Variants in CTNNA3 observed in about 807,000 individuals in gnomAD.
CTNNA3 encodes the protein catenin alpha 3.
A neutral mutation model predicts 95.7 loss-of-function variants in CTNNA3; 76 were observed. The observed-to-expected ratio is 0.79, with a 90% CI of 0.66 to 0.96. The LOEUF is 0.96. CTNNA3 is among the 40% of genes least tolerant of loss of function. CTNNA3 has a pLI of 0.00. For synonymous variants in CTNNA3, 431 were observed against 374.4 expected, an observed-to-expected ratio of 1.15 and a Z score of -1.74; for missense variants, 1,191 against 1,089.8, an observed-to-expected ratio of 1.09 and a Z score of -1.31.
At chr10:67,480,917 T>C (rs1175706063) in intron 5 of CTNNA3, among the ~76,000 whole-genome samples, 4 of 152,156 alleles carry the variant, frequency 2.6e-5, no homozygotes, top group Admixed American at 6.5e-5. Context: ...ACCATAATCA[T>C]GTAAGCTTTA....
At chr10:67,454,904 A>C (rs1847115945) in intron 5 of CTNNA3, among the ~76,000 whole-genome samples, 1 of 152,216 alleles carries the variant, frequency 6.6e-6, no homozygotes, top group Non-Finnish European at 1.5e-5. Context: ...AGAATTACAA[A>C]ATAAAGATAT....
At chr10:66,161,409 T>A (rs1334929921) in intron 13 of CTNNA3, among the ~76,000 whole-genome samples, 1 of 152,220 alleles carries the variant, frequency 6.6e-6, no homozygotes, top group East Asian at 1.9e-4. Flanking sequence ...GCAAATTCTC[T>A]CAGCATTTGT....
At chr10:67,750,680 G>A in intron 1 of CTNNA3, 1 of 1,550,878 alleles carries the variant, frequency 6.4e-7, no homozygotes, top group East Asian at 2.2e-5. Context: ...AATATGATCG[G>A]TGGAAAAGCA....
chr10:66,727,237 A>C (rs151270299), intron 9 of CTNNA3, among the ~76,000 whole-genome samples: 69 of 152,142 alleles, frequency 4.5e-4, no homozygotes, highest in African/African-American at 1.5e-3. Flanking sequence ...TTCAACTCTA[A>C]ATCTGAAGAT....
At chr10:67,127,452 T>C (rs969730211) in intron 7 of CTNNA3, among the ~76,000 whole-genome samples, 24 of 152,310 alleles carry the variant, frequency 1.6e-4, no homozygotes, top group Middle Eastern at 3.4e-3. Flanking sequence ...TTAAGCTACA[T>C]GTCCCAAGTC....
chr10:66,195,403 T>C (rs778356664), intron 13 of CTNNA3, among the ~76,000 whole-genome samples: 79 of 152,306 alleles, frequency 5.2e-4, no homozygotes, highest in Middle Eastern at 6.8e-3. Flanking sequence ...AGATTATGAG[T>C]ACTCTCTGAT....
intron 11 of CTNNA3, among the ~76,000 whole-genome samples, chr10:66,427,496 T>C (rs2093252841): frequency 6.6e-6 from 1 of 152,082 alleles, no homozygotes; most frequent in Non-Finnish European, 1.5e-5. Context: ...GAAAGATTAG[T>C]GATTAGACAA....
At chr10:66,862,170 C>T (rs375091979) in intron 7 of CTNNA3, among the ~76,000 whole-genome samples, 156 of 152,154 alleles carry the variant, frequency 1.0e-3, no homozygotes, top group African/African-American at 3.6e-3. Context: ...GCTGAGATCA[C>T]GCCACTGCAC....
chr10:67,272,683 T>C (rs1392698614), intron 5 of CTNNA3, among the ~76,000 whole-genome samples: 1 of 152,174 alleles, frequency 6.6e-6, no homozygotes, highest in African/African-American at 2.4e-5. Context: ...GTTCAAAGAA[T>C]AGGGAAGAAA....
chr10:67,074,150 A>T lies in CTNNA3; in HGVS notation c.1047+106167T>A, dbSNP rs2723389. 1.2e-4 allele frequency among the ~76,000 whole-genome samples: 18 copies of T among 147,664 alleles called. No individual in the cohort carries two copies. The East Asian group carries it at 3.5e-3, about 29-fold the overall frequency. Reference sequence around the variant, plus strand: ...CGAGTTGAAGAGATCCTCCTTCCTCAGCCTCCCAAGTAGCTGGGACTATAG... The same window carrying T: ...CGAGTTGAAGAGATCCTCCTTCCTCTGCCTCCCAAGTAGCTGGGACTATAG... On this transcript the variant is annotated intron_variant, in intron 7 of 17. Transcript: ENST00000433211.
At chr10:66,468,004 A>C (rs1443138255) in intron 11 of CTNNA3, among the ~76,000 whole-genome samples, 1 of 152,042 alleles carries the variant, frequency 6.6e-6, no homozygotes, top group Non-Finnish European at 1.5e-5. Context: ...AGACCCTTAA[A>C]TTTATAAAAC....
At position 66,803,449 on chromosome 10, in the gene CTNNA3, C is replaced by T. The variant is rs151211714; in HGVS notation, c.1048-27925G>A. 1.0e-3 allele frequency among the ~76,000 whole-genome samples: 159 copies of T among 152,130 alleles called. 1 individual carries two copies. Among genetic ancestry groups the T allele is most frequent in the Middle Eastern group, 3.4e-3 (1 of 294 alleles). ...TCTCAGGCAAAGTTAATACCTCCCA[C>T]CTCTGTTCAATTCTGCACTGCATAC... On this transcript the variant is annotated intron_variant, in intron 7 of 17. Transcript: ENST00000433211.
chr10:67,040,417 A>T (rs556966798), intron 7 of CTNNA3, among the ~76,000 whole-genome samples: 3 of 152,234 alleles, frequency 2.0e-5, no homozygotes, highest in South Asian at 2.1e-4. Context: ...CACAAAGGTC[A>T]AACAATTTGG....
chr10:66,585,897 C>A (rs1843345709), intron 10 of CTNNA3, among the ~76,000 whole-genome samples: 1 of 151,950 alleles, frequency 6.6e-6, no homozygotes, highest in South Asian at 2.1e-4. Context: ...GCTATTTCTT[C>A]TAATTATTTT....
chr10:66,086,437 GAC>G (rs1400081211), intron 14 of CTNNA3, among the ~76,000 whole-genome samples: 5 of 152,092 alleles, frequency 3.3e-5, no homozygotes, highest in South Asian at 4.1e-4. Context: ...AAAGATGAGA[GAC>G]CATGGTTTTT....
intron 13 of CTNNA3, among the ~76,000 whole-genome samples, chr10:66,216,362 A>T (rs890436978): frequency 6.6e-6 from 1 of 152,210 alleles, no homozygotes; most frequent in Admixed American, 6.5e-5. Flanking sequence ...GGGATCCACC[A>T]TCATGTCTCA....
At chr10:67,031,058 A>G (rs1853696714) in intron 7 of CTNNA3, among the ~76,000 whole-genome samples, 2 of 152,300 alleles carry the variant, frequency 1.3e-5, no homozygotes, top group South Asian at 4.1e-4. Flanking sequence ...CAGCCTCTGA[A>G]CACACATTTT....
intron 13 of CTNNA3, among the ~76,000 whole-genome samples, chr10:66,142,721 T>C (rs1182232915): frequency 1.3e-5 from 2 of 152,098 alleles, no homozygotes; most frequent in Non-Finnish European, 2.9e-5. Context: ...TTCAAAGACA[T>C]TTTAAGAATT....
intron 7 of CTNNA3, among the ~76,000 whole-genome samples, chr10:66,813,421 T>C (rs1365098353): frequency 2.0e-5 from 3 of 152,222 alleles, no homozygotes; most frequent in Non-Finnish European, 4.4e-5. Context: ...TTTTAAGTCA[T>C]GCTTGTCAGC....
Sources: gnomAD v4.1 joint callset for allele counts (sites outside exome capture counted in the v4.1 genomes callset) on GRCh38, gnomAD v4.1.1 for gene constraint, MANE v1.5 for transcripts, NCBI Gene and HGNC (gene_info 2026-07-23, HGNC 2026-07-21) for gene names.